Variants in PACRGL observed in about 807,000 individuals in gnomAD.
PACRGL encodes parkin coregulated like.
PACRGL carries 38 observed loss-of-function variants against 34.5 expected under a neutral mutation model. The ratio of observed to expected loss-of-function variants is 1.10; its 90% CI spans 0.85 to 1.44. PACRGL has a LOEUF of 1.44. PACRGL is among the 40% of genes most tolerant of loss of function. PACRGL has a pLI of 0.00. For synonymous variants in PACRGL, 128 were observed against 100.1 expected (o/e 1.28, Z -1.66); for missense variants, 305 against 281.4 (o/e 1.08, Z -0.60).
chr4:20,754,331 T>A (rs1375753180), downstream of PACRGL, among the ~76,000 whole-genome samples: 3 of 152,172 alleles, frequency 2.0e-5, no homozygotes, highest in Admixed American at 6.5e-5. Flanking sequence ...GACAAAGCAC[T>A]TTCCTGGAGG....
chr4:20,723,226 G>C (rs1017956445), intron 7 of PACRGL, among the ~76,000 whole-genome samples: 3 of 152,108 alleles, frequency 2.0e-5, no homozygotes, highest in African/African-American at 4.8e-5. Flanking sequence ...TCATGTCAGG[G>C]GGTGTGGCTG....
chr4:20,708,997 G>A (rs1021906896), intron 4 of PACRGL, among the ~76,000 whole-genome samples: 1 of 151,978 alleles, frequency 6.6e-6, no homozygotes, highest in Non-Finnish European at 1.5e-5. Flanking sequence ...AAATTAGCCG[G>A]GTGTGGTGGT....
intron 3 of PACRGL, among the ~76,000 whole-genome samples, chr4:20,706,231 T>C (rs548580967): frequency 2.6e-5 from 4 of 152,170 alleles, no homozygotes; most frequent in South Asian, 2.1e-4. Context: ...TAGAATAAAA[T>C]TGAAAGGCAA....
downstream of PACRGL, among the ~76,000 whole-genome samples, chr4:20,755,013 AT>A (rs1389495361): frequency 1.3e-5 from 2 of 152,210 alleles, no homozygotes; most frequent in Middle Eastern, 3.2e-3. Flanking sequence ...GAGGTAGTTA[AT>A]TAATTCCCCA....
At chr4:20,740,288 C>G (rs926953377) in intron 8 of PACRGL, among the ~76,000 whole-genome samples, 1 of 152,022 alleles carries the variant, frequency 6.6e-6, no homozygotes, top group Non-Finnish European at 1.5e-5. Flanking sequence ...TTGTCAGATT[C>G]ACCAAAGTTG....
At chr4:20,721,274 C>A (rs936024109) in intron 7 of PACRGL, among the ~76,000 whole-genome samples, 3 of 152,116 alleles carry the variant, frequency 2.0e-5, no homozygotes, top group Non-Finnish European at 4.4e-5. Flanking sequence ...GTTCAAACTT[C>A]CTCCTTTTGC....
At position 20,707,950 on chromosome 4, in the gene PACRGL, A is replaced by G. The variant is rs988347375; in HGVS notation, c.275+80A>G. 4 of 1,119,024 alleles carry G rather than the reference A, an allele frequency of 3.6e-6. No individual in the cohort carries two copies. The African/African-American group carries it at 4.8e-5, about 13-fold the overall frequency. The allele number at this position is 1,119,024 out of a possible 1,614,324, so 69.3% of individuals were successfully genotyped here. A position where few individuals can be genotyped will look rare whatever the true frequency, so the allele number is the denominator to read the frequency against. On this transcript the variant is annotated intron_variant, in intron 4 of 8. Coordinates refer to ENST00000503585, the MANE Select transcript of PACRGL (RefSeq NM_001258345.3). ...TGAATACAATATTTAGTTTAAATGT[A>G]TTGTAAGTTTTATTTACTAGTGAGG...
chr4:20,735,527 TTTG>T (rs1302746518), downstream of PACRGL, among the ~76,000 whole-genome samples: 249 of 124,072 alleles, frequency 2.0e-3, 2 homozygotes, highest in South Asian at 0.03. Context: ...TGTTTTTTTT[TTTG>T]TTTTTTTTTT....
intron 1 of PACRGL, among the ~76,000 whole-genome samples, chr4:20,703,625 A>C (rs1733277771): frequency 2.0e-5 from 3 of 152,104 alleles, no homozygotes; most frequent in African/African-American, 7.2e-5. Flanking sequence ...CAACTGTGTA[A>C]GGGAAAAGTG....
At chr4:20,760,407 C>T in the PACRGL span, among the ~76,000 whole-genome samples, 1 of 152,128 alleles carries the variant, frequency 6.6e-6, no homozygotes. Flanking sequence ...ATCACTTAAC[C>T]CTTAAAATCA....
chr4:20,700,795 C>T lies in PACRGL; in HGVS notation c.-17+8C>T, dbSNP rs1731801155. On this transcript the variant is annotated splice_region_variant and intron_variant, in intron 1 of 8. Transcript: ENST00000503585. ...TAACCTTAATTGAAACTGGTAAACT[C>T]CTCCCTCGGCCCCTTTAAAAAATCT... 1 of 152,020 alleles carries T rather than the reference C, an allele frequency of 6.6e-6. No individual in the cohort carries two copies. Among genetic ancestry groups the T allele is most frequent in the African/African-American group, 2.4e-5 (1 of 41,356 alleles). 9.4% of individuals were successfully genotyped at this position (152,020 alleles called of 1,614,324 possible).
At position 20,709,716 on chromosome 4, in the gene PACRGL, G is replaced by C. The variant is rs1320923609; in HGVS notation, c.309G>C (p.Gln103His). The C allele has an allele frequency of 1.9e-6, 3 of 1,610,122 alleles. No homozygotes were observed. The highest frequency in any genetic ancestry group is 1.3e-5 in the African/African-American group (1 of 74,846). The stretch of plus-strand genomic sequence containing the variant: ...ATGGTTCAGTAAAACACAGATTACA[G>C]TGGGAATGTCCTCCTGAAAGTCTTT... The part of the protein sequence containing the change: ...LVHGSVKHRL[Q>H]WECPPESLSF... The change falls in exon 5 of 9, where the codon CAG (glutamine) becomes CAC (histidine). Residue 103 changes from glutamine to histidine, a missense_variant. Gln to His is a conservative substitution (Grantham distance 24). Transcript: ENST00000503585.
intron 1 of PACRGL, among the ~76,000 whole-genome samples, chr4:20,702,943 T>C (rs905731423): frequency 1.6e-4 from 24 of 152,216 alleles, no homozygotes; most frequent in African/African-American, 5.3e-4. Flanking sequence ...AATTATTCAG[T>C]GTGCAGAAGC....
upstream of PACRGL, among the ~76,000 whole-genome samples, chr4:20,696,784 G>A (rs1731261708): frequency 6.6e-6 from 1 of 152,160 alleles, no homozygotes; most frequent in African/African-American, 2.4e-5. Context: ...TGTGGTTATT[G>A]AATATTTGAA....
At chr4:20,712,726 T>A (rs945537910) in intron 5 of PACRGL, 62 bp from the exon 6 acceptor site, 10 of 1,319,408 alleles carry the variant, frequency 7.6e-6, no homozygotes, top group Non-Finnish European at 9.8e-6. Flanking sequence ...AAAGACTCAA[T>A]TTTTCTGTTA....
the PACRGL span, among the ~76,000 whole-genome samples, chr4:20,760,815 G>A: frequency 6.6e-6 from 1 of 152,054 alleles, no homozygotes; most frequent in Admixed American, 6.6e-5. Flanking sequence ...GAGAATTGGA[G>A]TAAAGAAAAA....
chr4:20,719,658 C>T (rs1742022075), intron 7 of PACRGL, among the ~76,000 whole-genome samples: 1 of 152,178 alleles, frequency 6.6e-6, no homozygotes, highest in Admixed American at 6.5e-5. Flanking sequence ...GTTTCTTAAT[C>T]CTGAGTTCTA....
chr4:20,720,423 C>T (rs549053792), intron 7 of PACRGL, among the ~76,000 whole-genome samples: 56 of 152,234 alleles, frequency 3.7e-4, no homozygotes, highest in African/African-American at 1.3e-3. Context: ...TCTTCCTAGC[C>T]TCGATGGTCT....
rs1024954997 is a variant in PACRGL, at chr4:20,707,871, G to A, written c.275+1G>A. 1 of 1,608,426 alleles carries A rather than the reference G, an allele frequency of 6.2e-7. No individual in the cohort carries two copies. The highest frequency in any genetic ancestry group is 1.3e-5 in the African/African-American group (1 of 74,774). ...ACTCTAAAGGAGGTATTCCTTGCAG[G>A]TAAAATCAATATGATTTATAACTGA... On this transcript the variant is annotated splice_donor_variant, in intron 4 of 8. Transcript: ENST00000503585. LOFTEE classifies it high-confidence loss of function.
Sources: allele counts gnomAD v4.1 joint callset (sites outside exome capture counted in the v4.1 genomes callset), GRCh38; gene constraint gnomAD v4.1.1; transcripts MANE v1.5; gene names NCBI Gene and HGNC (gene_info 2026-07-23, HGNC 2026-07-21).